Variants in NOC3L observed in about 807,000 individuals in gnomAD.
NOC3L encodes NOC3 like DNA replication regulator, also known as nucleolar complex protein 3 homolog.
Under a neutral mutation model 102.5 loss-of-function variants are expected in NOC3L, and 85 were observed. That is an observed-to-expected ratio of 0.83 (90% CI 0.70 to 0.99). The LOEUF is 0.99. Among genes scored for constraint, NOC3L ranks in the 50% least tolerant of loss-of-function variants. The pLI is 0.00. For synonymous variants in NOC3L, 303 were observed against 309.4 expected, an observed-to-expected ratio of 0.98 and a Z score of 0.22; for missense variants, 878 against 914.9, an observed-to-expected ratio of 0.96 and a Z score of 0.52.
rs771925943 is a variant in NOC3L, at chr10:94,355,111, T to C, written c.566-18A>G. The C allele has an allele frequency of 1.9e-6, 3 of 1,595,226 alleles. No individual in the cohort carries two copies. The Admixed American group carries it at 5.1e-5, about 27-fold the overall frequency. ...AATGATCTCTAAAACAGATTAGATG[T>C]TCCCTTACATATTCCTCTGCTTACA... On this transcript the variant is annotated intron_variant, in intron 5 of 20. Transcript: ENST00000371361.
chr10:94,357,667 A>G, intron 3 of NOC3L: 1 of 239,884 alleles, frequency 4.2e-6, no homozygotes. Context: ...AGAGTATAGC[A>G]TAGACTTTGG....
At chr10:94,347,404 C>T (rs1476635368) in intron 10 of NOC3L, among the ~76,000 whole-genome samples, 1 of 152,134 alleles carries the variant, frequency 6.6e-6, no homozygotes, top group South Asian at 2.1e-4. Flanking sequence ...CACCTACCAA[C>T]GAAAAATAAC....
the NOC3L span, among the ~76,000 whole-genome samples, chr10:94,319,222 G>A: frequency 6.6e-6 from 1 of 152,102 alleles, no homozygotes; most frequent in African/African-American, 2.4e-5. Context: ...GCCTTTGTTA[G>A]GAAATTTTTG....
rs77771649 is a variant in NOC3L, at chr10:94,361,754, C to A, written c.128G>T (p.Arg43Leu). Reference protein sequence around the residue: ...FKQQSTLKKYRKEQRKLRQAV... With the variant: ...FKQQSTLKKYLKEQRKLRQAV... Reference sequence around the variant, plus strand: ...TTGCCTTAGTTTCCTCTGTTCTTTTCGGTACTTCTTGAGAGTGCTTTGTTG... The same window carrying A: ...TTGCCTTAGTTTCCTCTGTTCTTTTAGGTACTTCTTGAGAGTGCTTTGTTG... Residue 43 changes from arginine (R) to leucine (L), a missense_variant, in exon 2 of 21, where the codon CGA (arginine) becomes CTA (leucine). Physicochemically the swap from Arg to Leu is moderately radical, Grantham distance 102. Transcript: ENST00000371361. 1.6e-5 allele frequency: 25 copies of A among 1,601,456 alleles called. No homozygotes were observed. In the East Asian group the frequency reaches 5.2e-4, roughly 33 times the overall value.
chr10:94,362,044 C>A, intron 1 of NOC3L, 172 bp from the exon 2 acceptor site: 1 of 672,434 alleles, frequency 1.5e-6, no homozygotes, highest in South Asian at 1.6e-5. Context: ...TACAGAAGAG[C>A]GCTACAGCAT....
rs1415019407 is a variant in NOC3L at position 94,352,347 on chromosome 10, G to A, written c.915C>T (p.Tyr305=). Residue 305 remains tyrosine (Y), a synonymous_variant, in exon 8 of 21, where the codon TAC becomes TAT. Coordinates refer to ENST00000371361, the MANE Select transcript of NOC3L (RefSeq NM_022451.11). ...GTTCCAGATTTTCCAAATAAAACTT[G>A]TATTGGCTAACCAGGCCTTCTTCAA... ...REFEEGLVSQ[Y]KFYLENLEQM... is the part of the protein sequence containing the mutation. The A allele has an allele frequency of 1.2e-6, 2 of 1,613,642 alleles. No individual in the cohort carries two copies. The highest frequency in any genetic ancestry group is 8.5e-7 in the Non-Finnish European group (1 of 1,179,716).
At chr10:94,317,493 T>G in the NOC3L span, among the ~76,000 whole-genome samples, 1 of 152,182 alleles carries the variant, frequency 6.6e-6, no homozygotes, top group African/African-American at 2.4e-5. Context: ...CAGTTTTAGC[T>G]AATAGAAGTT....
rs577577956 is a variant in NOC3L at position 94,337,068 on chromosome 10, C to CAA, written c.2189+707_2189+708dup. On this transcript the variant is annotated intron_variant, in intron 19 of 20. Coordinates refer to ENST00000371361, the MANE Select transcript of NOC3L (RefSeq NM_022451.11). ...TGGACAACAGAGTGAGACTCCATCTCAAAAAAAAAAAAAAAAAGTAATTAC... is the reference window on the plus strand; with the variant it reads ...TGGACAACAGAGTGAGACTCCATCTCAAAAAAAAAAAAAAAAAAAGTAATTAC... Among the ~76,000 whole-genome samples the CAA allele has an allele frequency of 2.4e-3, 192 of 78,508 alleles. 1 individual carries two copies. The highest frequency in any genetic ancestry group is 8.1e-3 in the Middle Eastern group (1 of 124). 51.5% of individuals were successfully genotyped at this position (78,508 alleles called of 152,430 possible).
chr10:94,353,994 T>C (rs1392733630), intron 6 of NOC3L, among the ~76,000 whole-genome samples: 1 of 152,174 alleles, frequency 6.6e-6, no homozygotes, highest in Non-Finnish European at 1.5e-5. Flanking sequence ...GCTGTTAAAA[T>C]CTGGAACAAA....
chr10:94,338,187 T>C (rs1344723691), intron 18 of NOC3L, among the ~76,000 whole-genome samples: 1 of 152,218 alleles, frequency 6.6e-6, no homozygotes, highest in Non-Finnish European at 1.5e-5. Flanking sequence ...CACTTCTATT[T>C]TCTACAAGTC....
chr10:94,346,967 T>C (rs1422045386), intron 10 of NOC3L, among the ~76,000 whole-genome samples: 1 of 152,142 alleles, frequency 6.6e-6, no homozygotes, highest in Non-Finnish European at 1.5e-5. Context: ...GCCCCAGAAT[T>C]TGCATTCTAA....
At position 94,344,120 on chromosome 10, in the gene NOC3L, G is replaced by C. The variant is rs192971170; in HGVS notation, c.1571+295C>G. ...TGATCCACTCAAACTATGACGATGG[G>C]CAATTGACTACACAGTGCAGAAAGA... On this transcript the variant is annotated intron_variant, in intron 13 of 20. Coordinates refer to ENST00000371361, the MANE Select transcript of NOC3L (RefSeq NM_022451.11). Among the ~76,000 whole-genome samples the C allele has an allele frequency of 9.2e-5, 14 of 152,300 alleles. No homozygotes were observed. The East Asian group carries it at 2.3e-3, about 25-fold the overall frequency.
the NOC3L span, among the ~76,000 whole-genome samples, chr10:94,317,245 A>G: frequency 1.3e-5 from 2 of 152,032 alleles, no homozygotes; most frequent in Non-Finnish European, 2.9e-5. Flanking sequence ...ACAGAACAAG[A>G]CTCTGTCTCA....
At chr10:94,353,975 A>T (rs1320744727) in intron 6 of NOC3L, among the ~76,000 whole-genome samples, 1 of 152,204 alleles carries the variant, frequency 6.6e-6, no homozygotes, top group Non-Finnish European at 1.5e-5. Context: ...TCTGGGTTCC[A>T]ATCCAGTGGC....
chr10:94,320,016 A>C, the NOC3L span, among the ~76,000 whole-genome samples: 1 of 151,894 alleles, frequency 6.6e-6, no homozygotes, highest in Non-Finnish European at 1.5e-5. Flanking sequence ...CTTAAAAATA[A>C]AGCTTAATGC....
Position 94,334,078 on chromosome 10 carries a change from T to C in NOC3L, c.*99A>G, listed in dbSNP as rs1280520920. Reference sequence around the variant, plus strand: ...TCTTCCTAGACATTCTTAGGAAGCTTTCCTTGTATAAAAAGAAAAGATCCT... The same window carrying C: ...TCTTCCTAGACATTCTTAGGAAGCTCTCCTTGTATAAAAAGAAAAGATCCT... On this transcript the variant is annotated 3_prime_UTR_variant, in exon 21 of 21. Coordinates refer to ENST00000371361, the MANE Select transcript of NOC3L (RefSeq NM_022451.11). 3 of 640,510 alleles carry C rather than the reference T, an allele frequency of 4.7e-6. No homozygotes were observed. The African/African-American group carries it at 5.5e-5, about 12-fold the overall frequency. 39.7% of individuals were successfully genotyped at this position (640,510 alleles called of 1,614,324 possible). A position where few individuals can be genotyped will look rare whatever the true frequency, so the allele number is the denominator to read the frequency against.
At chr10:94,336,354 GTTT>G (rs796077651) in intron 19 of NOC3L, among the ~76,000 whole-genome samples, 95 of 144,804 alleles carry the variant, frequency 6.6e-4, no homozygotes, top group Non-Finnish European at 1.3e-3. Context: ...ATAAATTTCT[GTTT>G]TTTTTTTTTC....
In NOC3L at chr10:94,338,664, C is replaced by A. The variant is rs773308859; in HGVS notation, c.2035G>T (p.Glu679Ter). ...TTCTGAGCATTGCAGTACTCAGGCTCATCCAGTTCAGGAAGGAAAACTCCA... is the reference window on the plus strand; with the variant it reads ...TTCTGAGCATTGCAGTACTCAGGCTAATCCAGTTCAGGAAGGAAAACTCCA... ...GSGVFLPELD[E>*]PEYCNAQNTA... The change falls in exon 18 of 21, where the codon GAG becomes TAG. Residue 679 changes from glutamate (E) to a stop codon, truncating the protein, a stop_gained. Transcript: ENST00000371361. LOFTEE classifies it high-confidence loss of function. 1.2e-6 allele frequency: 2 copies of A among 1,613,230 alleles called. No homozygotes were observed. Among genetic ancestry groups the A allele is most frequent in the East Asian group, 4.5e-5 (2 of 44,894 alleles).
rs2054261397 is a variant in NOC3L, at chr10:94,339,836, CGCT to C, written c.1862_1864del (p.Gln621del). 4 of 1,614,046 alleles carry C rather than the reference CGCT, an allele frequency of 2.5e-6. No homozygotes were observed. In the Admixed American group the frequency reaches 5.0e-5, roughly 20 times the overall value. On this transcript the variant is annotated inframe_deletion, in exon 17 of 21. Coordinates refer to ENST00000371361, the MANE Select transcript of NOC3L (RefSeq NM_022451.11). ...AAGGCGTTTGATGAAGGCAAGAGCT[CGCT>C]GCTGAGAAACTTGCTTTCTGCGCTT...
Sources: gnomAD v4.1 joint callset for allele counts (sites outside exome capture counted in the v4.1 genomes callset) on GRCh38, gnomAD v4.1.1 for gene constraint, MANE v1.5 for transcripts, NCBI Gene and HGNC (gene_info 2026-07-23, HGNC 2026-07-21) for gene names.